The following FDX1 variants were observed in gnomAD, a reference collection of about 807,000 sequenced individuals.
FDX1 encodes the protein ferredoxin 1.
A neutral mutation model predicts 14.9 loss-of-function variants in FDX1; 9 were observed. That is an observed-to-expected ratio of 0.60 (90% CI 0.36 to 1.05). The LOEUF (loss-of-function observed/expected upper bound fraction) is 1.05, where lower values mean the gene tolerates loss of function less well. Among genes scored for constraint, FDX1 ranks in the 50% least tolerant of loss-of-function variants. The probability of loss-of-function intolerance (pLI) is 0.01; values close to 1 mark genes in which losing one functional copy is unlikely to be tolerated. For synonymous variants in FDX1, 92 were observed against 99.4 expected, an observed-to-expected ratio of 0.93 and a Z score of 0.44; for missense variants, 204 against 237.2, an observed-to-expected ratio of 0.86 and a Z score of 0.92.
At position 110,441,170 on chromosome 11, in the gene FDX1, A is replaced by G. The variant is rs573103649; in HGVS notation, c.310+5212A>G. On this transcript the variant is annotated intron_variant, in intron 2 of 3. Coordinates refer to ENST00000260270, the MANE Select transcript of FDX1 (RefSeq NM_004109.5). Reference sequence around the variant, plus strand: ...CTCAGCCACATGGAACTGTAAGTCCATTAAACACTTTTTCCTGTATAAATT... The same window carrying G: ...CTCAGCCACATGGAACTGTAAGTCCGTTAAACACTTTTTCCTGTATAAATT... Among the ~76,000 whole-genome samples the G allele has an allele frequency of 2.6e-5, 4 of 152,368 alleles. No individual in the cohort carries two copies. In the South Asian group the frequency reaches 8.3e-4, roughly 32 times the overall value.
At chr11:110,448,545 G>A (rs1247906222) in intron 2 of FDX1, among the ~76,000 whole-genome samples, 2 of 152,118 alleles carry the variant, frequency 1.3e-5, no homozygotes, top group Non-Finnish European at 2.9e-5. Context: ...CAAGTTACAT[G>A]AAAGGAAAGG....
chr11:110,431,101 T>TAGCAGCAGCAGCAGCAGC (rs35673502), intron 1 of FDX1, among the ~76,000 whole-genome samples: 34 of 151,222 alleles, frequency 2.2e-4, no homozygotes, highest in African/African-American at 7.8e-4. Flanking sequence ...TGCCACTTGG[T>TAGCAGCAGCAGCAGCAGC]AGCAGCAGCA....
chr11:110,447,145 C>A (rs750094546), intron 2 of FDX1, among the ~76,000 whole-genome samples: 10 of 147,278 alleles, frequency 6.8e-5, no homozygotes, highest in Non-Finnish European at 1.3e-4. Flanking sequence ...CATTGCACTC[C>A]AGCCTGGGTT....
intron 3 of FDX1, among the ~76,000 whole-genome samples, chr11:110,459,749 C>T (rs1020993013): frequency 1.1e-4 from 16 of 152,184 alleles, no homozygotes; most frequent in African/African-American, 3.6e-4. Flanking sequence ...TGTTGTTTGT[C>T]TCCTTCTCTA....
chr11:110,453,293 G>T (rs1048714214), intron 2 of FDX1, among the ~76,000 whole-genome samples: 2 of 151,988 alleles, frequency 1.3e-5, no homozygotes, highest in East Asian at 1.9e-4. Flanking sequence ...AGCCGAGATC[G>T]CACCATTACA....
At position 110,433,052 on chromosome 11, in the gene FDX1, A is replaced by G. The variant is rs115247317; in HGVS notation, c.185+2747A>G. On this transcript the variant is annotated intron_variant, in intron 1 of 3. Coordinates refer to ENST00000260270, the MANE Select transcript of FDX1 (RefSeq NM_004109.5). ...AGAACTATAAGATTAATGTTGTCCA[A>G]TTTTATAGAAGAGGAGGCTGATGTA... 3.7e-3 allele frequency among the ~76,000 whole-genome samples: 571 copies of G among 152,342 alleles called. 4 individuals are homozygous for G. Among genetic ancestry groups the G allele is most frequent in the African/African-American group, 0.013 (541 of 41,586 alleles).
intron 2 of FDX1, among the ~76,000 whole-genome samples, chr11:110,448,482 A>T (rs936694900): frequency 6.6e-6 from 1 of 152,192 alleles, no homozygotes; most frequent in Non-Finnish European, 1.5e-5. Flanking sequence ...ATACAAAATG[A>T]TCTTAATATG....
rs138828342 is a variant in FDX1 at position 110,457,908 on chromosome 11, C to T, written c.440+861C>T. On this transcript the variant is annotated intron_variant, in intron 3 of 3. Coordinates refer to ENST00000260270, the MANE Select transcript of FDX1 (RefSeq NM_004109.5). ...TTTGTTCCTTTTATAGTTCATTTCC[C>T]TCTTGGTGGATGTGAGACTGATAAC... 7.9e-5 allele frequency among the ~76,000 whole-genome samples: 12 copies of T among 151,982 alleles called. No individual in the cohort carries two copies. The East Asian group carries it at 2.1e-3, about 27-fold the overall frequency.
chr11:110,439,751 G>A (rs1348764767), intron 2 of FDX1, among the ~76,000 whole-genome samples: 4 of 152,048 alleles, frequency 2.6e-5, no homozygotes, highest in South Asian at 2.1e-4. Context: ...ATTCTTTGCC[G>A]AGGCCAATTT....
chr11:110,429,618 G>A (rs945893802), upstream of FDX1, among the ~76,000 whole-genome samples: 20 of 151,976 alleles, frequency 1.3e-4, no homozygotes, highest in Non-Finnish European at 2.4e-4. Context: ...TTGTTTTACA[G>A]TGGGCAGAAT....
intron 2 of FDX1, among the ~76,000 whole-genome samples, chr11:110,439,281 C>T (rs1946390678): frequency 1.3e-5 from 2 of 152,098 alleles, no homozygotes; most frequent in Non-Finnish European, 2.9e-5. Context: ...TGTCTTAGCT[C>T]ACTGCACCCT....
intron 2 of FDX1, among the ~76,000 whole-genome samples, chr11:110,440,162 T>G (rs1073527): frequency 0.28 from 42,697 of 152,040 alleles, 6,095 homozygotes; most frequent in East Asian, 0.37. Context: ...ATCATCTCTT[T>G]TTTTTTCTTT....
Position 110,456,971 on chromosome 11 carries a change from C to T in FDX1, c.364C>T (p.His122Tyr), listed in dbSNP as rs199622901. Residue 122 changes from histidine (H) to tyrosine (Y), a missense_variant, in exon 3 of 4, where the codon CAC (histidine) becomes TAC (tyrosine). Coordinates refer to ENST00000260270, the MANE Select transcript of FDX1 (RefSeq NM_004109.5). ...CSTCHLIFEDHIYEKLDAITD... is the reference protein window; with the variant it reads ...CSTCHLIFEDYIYEKLDAITD... Reference sequence around the variant, plus strand: ...AACCTGTCACCTCATCTTTGAAGATCACATATATGAGAAGTTAGATGCAAT... The same window carrying T: ...AACCTGTCACCTCATCTTTGAAGATTACATATATGAGAAGTTAGATGCAAT... 6.2e-7 allele frequency: 1 copy of T among 1,613,124 alleles called. No individual in the cohort carries two copies. The highest frequency in any genetic ancestry group is 2.2e-5 in the East Asian group (1 of 44,846).
At chr11:110,458,829 A>G (rs1393884217) in intron 3 of FDX1, among the ~76,000 whole-genome samples, 1 of 151,768 alleles carries the variant, frequency 6.6e-6, no homozygotes, top group African/African-American at 2.4e-5. Context: ...GCTGTCTCGA[A>G]CTCCTGACCT....
chr11:110,437,685 G>C (rs560410709), intron 2 of FDX1, among the ~76,000 whole-genome samples: 7 of 152,174 alleles, frequency 4.6e-5, no homozygotes, highest in Non-Finnish European at 1.0e-4. Context: ...ACATGTGCAG[G>C]TTTGTTAAAT....
At chr11:110,431,007 C>T (rs1946327122) in intron 1 of FDX1, among the ~76,000 whole-genome samples, 1 of 152,154 alleles carries the variant, frequency 6.6e-6, no homozygotes, top group Admixed American at 6.5e-5. Flanking sequence ...CAGTGTAGAC[C>T]TCCTATGGTT....
chr11:110,442,572 G>A (rs113530976), intron 2 of FDX1, among the ~76,000 whole-genome samples: 19,296 of 152,184 alleles, frequency 0.13, 1,644 homozygotes, highest in Non-Finnish European at 0.19. Context: ...TGTTTTGACC[G>A]ATTTCTCCCA....
intron 2 of FDX1, among the ~76,000 whole-genome samples, chr11:110,444,632 A>ATGTGTG (rs369797336): frequency 1.2e-5 from 1 of 84,842 alleles, no homozygotes; most frequent in African/African-American, 6.5e-5. Flanking sequence ...AAGAAAATAT[A>ATGTGTG]TGTGTGTGTG....
At chr11:110,447,043 C>T (rs71476962) in intron 2 of FDX1, among the ~76,000 whole-genome samples, 3 of 151,544 alleles carry the variant, frequency 2.0e-5, no homozygotes, top group Admixed American at 6.6e-5. Flanking sequence ...GGTGTGGTGG[C>T]GTGCACCTGT....
Sources: allele counts gnomAD v4.1 joint callset (sites outside exome capture counted in the v4.1 genomes callset), GRCh38; gene constraint gnomAD v4.1.1; transcripts MANE v1.5; gene names NCBI Gene and HGNC (gene_info 2026-07-23, HGNC 2026-07-21).